The following PLEKHM2 variants were observed in gnomAD, a reference collection of about 807,000 sequenced individuals.
PLEKHM2 encodes pleckstrin homology domain-containing family M member 2.
A neutral mutation model predicts 116.3 loss-of-function variants in PLEKHM2; 77 were observed. The ratio of observed to expected loss-of-function variants is 0.66; its 90% CI spans 0.55 to 0.80. The LOEUF is 0.80. Ranked by LOEUF, PLEKHM2 falls within the 30% of genes least tolerant of loss-of-function variation. The pLI, the probability that PLEKHM2 is intolerant of heterozygous loss-of-function variation, is 0.00. For synonymous variants in PLEKHM2, 562 were observed against 571.0 expected (o/e 0.98, Z 0.22); for missense variants, 1,183 against 1,354.9 (o/e 0.87, Z 1.99).
rs112014699 is a variant in PLEKHM2 at position 15,711,092 on chromosome 1, C to T, written c.61-5145C>T. On this transcript the variant is annotated intron_variant, in intron 1 of 19. Transcript: ENST00000375799. ...CATAAGGGAACCTGGCCGGGCATGA[C>T]GGCTCACCCCTGTAATCCTAGCATT... is the stretch of plus-strand genomic sequence containing the variant. Among the ~76,000 whole-genome samples, 582 of 152,046 alleles carry T rather than the reference C, an allele frequency of 3.8e-3. 9 individuals carry two copies. Among genetic ancestry groups the T allele is most frequent in the African/African-American group, 0.013 (550 of 41,446 alleles).
intron 7 of PLEKHM2, among the ~76,000 whole-genome samples, chr1:15,724,882 G>A (rs1401586904): frequency 6.6e-6 from 1 of 152,162 alleles, no homozygotes; most frequent in African/African-American, 2.4e-5. Context: ...GGCTAACGGG[G>A]CTGCTGGGTA....
In PLEKHM2 at chr1:15,732,484, C is replaced by T; in HGVS notation, c.2760C>T (p.Asp920=). ...FRSLGTAKLG[D]ISAVSTEPGK... ...CTTTGGGCACAGCCAAGCTGGGCGACATCAGCGCCGTCTCCACCGAGCCGG... is the reference window on the plus strand; with the variant it reads ...CTTTGGGCACAGCCAAGCTGGGCGATATCAGCGCCGTCTCCACCGAGCCGG... Residue 920 remains aspartate (D), a synonymous_variant, in exon 18 of 20, where the codon GAC becomes GAT. Coordinates refer to ENST00000375799, the MANE Select transcript of PLEKHM2 (RefSeq NM_015164.4). The T allele has an allele frequency of 6.2e-7, 1 of 1,607,432 alleles. No homozygotes were observed. The highest frequency in any genetic ancestry group is 8.5e-7 in the Non-Finnish European group (1 of 1,177,254).
Position 15,727,117 on chromosome 1 carries a change from G to T in PLEKHM2, c.1045G>T (p.Gly349Trp). ...ACSQKKCAKQ[G>W]DGDSRNGSPS... ...CAGCCAGAAGAAATGTGCCAAGCAGGGGGACGGTGACAGCCGCAACGGCAG... is the reference window on the plus strand; with the variant it reads ...CAGCCAGAAGAAATGTGCCAAGCAGTGGGACGGTGACAGCCGCAACGGCAG... The change falls in exon 9 of 20, where the codon GGG becomes TGG. Residue 349 changes from glycine (G) to tryptophan (W), a missense_variant. Physicochemically the swap from Gly to Trp is radical, Grantham distance 184. Coordinates refer to ENST00000375799, the MANE Select transcript of PLEKHM2 (RefSeq NM_015164.4). The surrounding 1 kb of genome is among the most constrained non-coding windows in gnomAD (Gnocchi z 7.5). 6.3e-7 allele frequency: 1 copy of T among 1,583,324 alleles called. No homozygotes were observed. The highest frequency in any genetic ancestry group is 2.3e-5 in the East Asian group (1 of 43,970).
intron 1 of PLEKHM2, among the ~76,000 whole-genome samples, chr1:15,686,729 A>G (rs1640779450): frequency 6.6e-6 from 1 of 150,424 alleles, no homozygotes; most frequent in African/African-American, 2.5e-5. Flanking sequence ...GCTCAGTGCA[A>G]GCTCCGCCTC....
At chr1:15,696,864 A>C (rs1385012805) in intron 1 of PLEKHM2, among the ~76,000 whole-genome samples, 1 of 152,214 alleles carries the variant, frequency 6.6e-6, no homozygotes, top group African/African-American at 2.4e-5. Flanking sequence ...AGGAAGGTCC[A>C]TCATGCTTTC....
intron 6 of PLEKHM2, 125 bp downstream of exon 6, chr1:15,720,045 A>G: frequency 2.9e-6 from 2 of 695,956 alleles, no homozygotes. Flanking sequence ...GCAATTAAAC[A>G]GGGCTGGCCA....
Position 15,730,623 on chromosome 1 carries a change from C to G in PLEKHM2, c.2300C>G (p.Pro767Arg). ...SLGPTPCHCS[P>R]PEGTITKEGM... Reference sequence around the variant, plus strand: ...GGCCCCACGCCCTGCCACTGCTCACCCCCCGAGGGCACCATCACCAAAGAA... The same window carrying G: ...GGCCCCACGCCCTGCCACTGCTCACGCCCCGAGGGCACCATCACCAAAGAA... The change falls in exon 15 of 20, where the codon CCC becomes CGC. Residue 767 changes from proline to arginine, a missense_variant. By Grantham distance (103) the Pro-to-Arg change is moderately radical (BLOSUM62 -2). Coordinates refer to ENST00000375799, the MANE Select transcript of PLEKHM2 (RefSeq NM_015164.4). 6 of 1,608,204 alleles carry G rather than the reference C, an allele frequency of 3.7e-6. No homozygotes were observed. The highest frequency in any genetic ancestry group is 5.1e-6 in the Non-Finnish European group (6 of 1,177,756).
intron 16 of PLEKHM2, among the ~76,000 whole-genome samples, chr1:15,731,501 T>TC (rs1376470689): frequency 1.3e-5 from 2 of 152,020 alleles, no homozygotes; most frequent in African/African-American, 2.4e-5. Flanking sequence ...GGCAGGCCCT[T>TC]CCCCAGAAGC....
At chr1:15,730,777 G>T in intron 15 of PLEKHM2, 55 bp downstream of exon 15, 1 of 1,430,792 alleles carries the variant, frequency 7.0e-7, no homozygotes, top group Non-Finnish European at 9.6e-7. Flanking sequence ...TGGCTGGGCT[G>T]TCAGGTCCCC....
At chr1:15,713,723 C>T (rs1168191976) in intron 1 of PLEKHM2, among the ~76,000 whole-genome samples, 1 of 151,720 alleles carries the variant, frequency 6.6e-6, no homozygotes, top group African/African-American at 2.4e-5. Flanking sequence ...GCAAGCTCCG[C>T]CTCCCGGGTT....
chr1:15,705,170 CTTTTTTT>C (rs71306988), intron 1 of PLEKHM2, among the ~76,000 whole-genome samples: 5 of 74,042 alleles, frequency 6.8e-5, no homozygotes, highest in East Asian at 6.4e-4. Flanking sequence ...ACGTAGATAT[CTTTTTTT>C]TTTTTTTTTT....
intron 1 of PLEKHM2, among the ~76,000 whole-genome samples, chr1:15,698,016 C>T (rs1186192060): frequency 6.6e-6 from 1 of 152,078 alleles, no homozygotes; most frequent in East Asian, 1.9e-4. Context: ...GCATTGATTT[C>T]ACCAAACTTG....
chr1:15,728,666 CAG>C lies in PLEKHM2; in HGVS notation c.1922-2_1922-1del, dbSNP rs2148374607. The stretch of plus-strand genomic sequence containing the variant: ...TAATAGGCCTTGGGGTTTCCTCTCT[CAG>C]GGGCCACAGAGAAGCCATACCTGGT... On this transcript the variant is annotated splice_acceptor_variant, in intron 11 of 19. Transcript: ENST00000375799. LOFTEE classifies it high-confidence loss of function. The surrounding 1 kb of genome is among the most constrained non-coding windows in gnomAD (Gnocchi z 5.9). The C allele has an allele frequency of 1.2e-6, 2 of 1,608,356 alleles. No individual in the cohort carries two copies. Among genetic ancestry groups the C allele is most frequent in the East Asian group, 4.5e-5 (2 of 44,698 alleles).
chr1:15,684,677 C>T (rs1395463100), intron 1 of PLEKHM2, 59 bp downstream of exon 1: 2 of 701,756 alleles, frequency 2.8e-6, no homozygotes, highest in Non-Finnish European at 1.8e-6. Flanking sequence ...CCACGCCCTC[C>T]GGCGGCGCTC....
Position 15,684,541 on chromosome 1 carries a change from G to A in PLEKHM2, c.-18G>A. On this transcript the variant is annotated 5_prime_UTR_variant, in exon 1 of 20. Transcript: ENST00000375799. ...CGGCGGCGGTGGCGGTGGCGGTGGC[G>A]GCGACGGTGGCAGCGCCATGGAGCC... 6.7e-6 allele frequency: 8 copies of A among 1,198,320 alleles called. No individual in the cohort carries two copies. The highest frequency in any genetic ancestry group is 4.1e-5 in the East Asian group (1 of 24,540). 74.2% of individuals were successfully genotyped at this position (1,198,320 alleles called of 1,614,324 possible).
chr1:15,690,874 AG>A (rs1390138614), intron 1 of PLEKHM2, among the ~76,000 whole-genome samples: 4 of 152,212 alleles, frequency 2.6e-5, no homozygotes, highest in African/African-American at 7.2e-5. Context: ...TAGAAGAAAA[AG>A]AAGGTGATAA....
At chr1:15,702,225 A>C (rs1571032094) in intron 1 of PLEKHM2, among the ~76,000 whole-genome samples, 1 of 152,038 alleles carries the variant, frequency 6.6e-6, no homozygotes, top group South Asian at 2.1e-4. Flanking sequence ...ACGCGTCCTC[A>C]CCCACCTTGT....
chr1:15,697,193 G>A (rs557094758), intron 1 of PLEKHM2, among the ~76,000 whole-genome samples: 10 of 152,346 alleles, frequency 6.6e-5, no homozygotes, highest in East Asian at 1.9e-4. Context: ...AACACTGAGC[G>A]TGCAGAGCTC....
In PLEKHM2 at chr1:15,725,471, C is replaced by T. The variant is rs775017052; in HGVS notation, c.867C>T (p.His289=). Residue 289 remains histidine, a synonymous_variant, in exon 8 of 20, where the codon CAC becomes CAT. Transcript: ENST00000375799. The part of the protein sequence containing the change: ...TVSSSDTTPV[H]TTSQEKEEAQ... ...CCTCCTCTGACACCACCCCCGTGCA[C>T]ACCACCTCTCAGGAGAAGGAGGAGG... is the stretch of plus-strand genomic sequence containing the variant. The T allele has an allele frequency of 5.1e-6, 8 of 1,579,538 alleles. No homozygotes were observed. Among genetic ancestry groups the T allele is most frequent in the Non-Finnish European group, 6.9e-6 (8 of 1,163,734 alleles).
Sources: gnomAD v4.1 joint callset for allele counts (sites outside exome capture counted in the v4.1 genomes callset) on GRCh38, gnomAD v4.1.1 for gene constraint, Gnocchi (gnomAD v3.1) non-coding constraint, MANE v1.5 for transcripts, NCBI Gene and HGNC (gene_info 2026-07-23, HGNC 2026-07-21) for gene names.